The following FTO variants were observed in gnomAD, a reference collection of about 807,000 sequenced individuals.
FTO encodes the protein alpha-ketoglutarate-dependent dioxygenase FTO.
Under a neutral mutation model 63.9 loss-of-function variants are expected in FTO, and 47 were observed. The observed-to-expected ratio is 0.74, with a 90% CI of 0.58 to 0.94. FTO has a LOEUF of 0.94. FTO is among the 40% of genes least tolerant of loss of function. FTO has a pLI of 0.00. For missense variants in FTO, 562 were observed against 618.1 expected (o/e 0.91, Z 0.96); for synonymous variants, 207 against 224.4 (o/e 0.92, Z 0.69).
chr16:53,826,638 G>A (rs967047076), intron 3 of FTO, 147 bp downstream of exon 3: 9 of 745,412 alleles, frequency 1.2e-5, no homozygotes, highest in Non-Finnish European at 2.1e-5. Flanking sequence ...TGTATCATGT[G>A]TCCTTTTTAG....
chr16:53,862,028 G>T (rs117105006), intron 4 of FTO, among the ~76,000 whole-genome samples: 11,353 of 152,208 alleles, frequency 0.075, 649 homozygotes, highest in South Asian at 0.2. Context: ...GAGGTGGGCA[G>T]ATCAGGAGGT....
chr16:54,095,221 G>A (rs1265100866), intron 8 of FTO, among the ~76,000 whole-genome samples: 1 of 152,048 alleles, frequency 6.6e-6, no homozygotes, highest in Non-Finnish European at 1.5e-5. Flanking sequence ...TTTATTTTTT[G>A]TAGAGACAGA....
intron 3 of FTO, among the ~76,000 whole-genome samples, chr16:53,827,249 G>A (rs1469025941): frequency 1.3e-5 from 2 of 152,102 alleles, no homozygotes; most frequent in Non-Finnish European, 2.9e-5. Context: ...TATTGTTTCT[G>A]TGTGTTTATG....
chr16:53,934,707 C>T (rs2082350308), intron 8 of FTO, among the ~76,000 whole-genome samples: 1 of 152,176 alleles, frequency 6.6e-6, no homozygotes, highest in East Asian at 1.9e-4. Context: ...GCAGTTGTAA[C>T]ACAACAATAA....
At chr16:53,814,340 C>A (rs1008596966) in intron 2 of FTO, among the ~76,000 whole-genome samples, 1 of 152,170 alleles carries the variant, frequency 6.6e-6, no homozygotes, top group African/African-American at 2.4e-5. Flanking sequence ...ATGAGACCAT[C>A]CTCAGTAACC....
chr16:54,069,562 G>T (rs1249290117), intron 8 of FTO, among the ~76,000 whole-genome samples: 3 of 152,084 alleles, frequency 2.0e-5, no homozygotes, highest in African/African-American at 7.2e-5. Context: ...TAGAATTGCA[G>T]GTTATTTATA....
chr16:54,094,879 A>G (rs559762517), intron 8 of FTO, among the ~76,000 whole-genome samples: 1 of 152,302 alleles, frequency 6.6e-6, no homozygotes, highest in East Asian at 1.9e-4. Flanking sequence ...GAGCACCGTG[A>G]CATAGATCAT....
At chr16:53,786,969 G>A (rs1224825306) in intron 1 of FTO, among the ~76,000 whole-genome samples, 1 of 151,762 alleles carries the variant, frequency 6.6e-6, no homozygotes, top group African/African-American at 2.4e-5. Flanking sequence ...AAATTAGCCA[G>A]GTGTGGTGGC....
At chr16:53,892,626 G>A (rs539695804) in intron 7 of FTO, among the ~76,000 whole-genome samples, 117 of 152,130 alleles carry the variant, frequency 7.7e-4, no homozygotes, top group Middle Eastern at 3.4e-3. Flanking sequence ...GTTGTGGAAG[G>A]ATTTCTTTAA....
At chr16:53,931,871 A>AACACACACACACACAC (rs35135177) in intron 7 of FTO, among the ~76,000 whole-genome samples, 11 of 145,798 alleles carry the variant, frequency 7.5e-5, no homozygotes, top group African/African-American at 2.3e-4. Context: ...TTTTACATTA[A>AACACACACACACACAC]ACACACACAC....
At chr16:53,823,639 ATTGT>A (rs2078926130) in intron 2 of FTO, among the ~76,000 whole-genome samples, 1 of 152,074 alleles carries the variant, frequency 6.6e-6, no homozygotes, top group African/African-American at 2.4e-5. Context: ...AGAATAGTAA[ATTGT>A]TTATTTAGTT....
chr16:53,854,295 G>A lies in FTO; in HGVS notation c.895+9997G>A, dbSNP rs574414405. Reference sequence around the variant, plus strand: ...CTCTGATAATTATTTATTTTGTTGTGCAGAAGCTTTTTAGTTTAAGTAGGT... The same window carrying A: ...CTCTGATAATTATTTATTTTGTTGTACAGAAGCTTTTTAGTTTAAGTAGGT... On this transcript the variant is annotated intron_variant, in intron 4 of 8. Transcript: ENST00000471389. Among the ~76,000 whole-genome samples, 3 of 152,066 alleles carry A rather than the reference G, an allele frequency of 2.0e-5. No homozygotes were observed. The South Asian group carries it at 6.2e-4, about 31-fold the overall frequency.
rs772642133 is a variant in FTO, at chr16:53,888,891, T to G, written c.1179T>G (p.Thr393=). 26 of 1,613,920 alleles carry G rather than the reference T, an allele frequency of 1.6e-5. No individual in the cohort carries two copies. In the East Asian group the frequency reaches 5.6e-4, roughly 35 times the overall value. The stretch of plus-strand genomic sequence containing the variant: ...AAGGCAATCGATACAGAAAGTGCAC[T>G]GACTGGTGGTGTCAACCCATGGCTC... The part of the protein sequence containing the change: ...WFQGNRYRKC[T]DWWCQPMAQL... The change falls in exon 7 of 9, where the codon ACT becomes ACG. Residue 393 remains threonine, a synonymous_variant. Coordinates refer to ENST00000471389, the MANE Select transcript of FTO (RefSeq NM_001080432.3).
chr16:53,982,670 G>T (rs901338028), intron 8 of FTO, among the ~76,000 whole-genome samples: 2 of 152,176 alleles, frequency 1.3e-5, no homozygotes, highest in African/African-American at 4.8e-5. Flanking sequence ...TCCTAACTGG[G>T]CTCTGCAGCT....
chr16:53,964,246 C>G (rs2083148348), intron 8 of FTO, among the ~76,000 whole-genome samples: 1 of 152,156 alleles, frequency 6.6e-6, no homozygotes, highest in South Asian at 2.1e-4. Context: ...GTTTCTGTGA[C>G]AACTGTTCTC....
At chr16:53,893,593 A>G (rs997784631) in intron 7 of FTO, among the ~76,000 whole-genome samples, 1 of 152,162 alleles carries the variant, frequency 6.6e-6, no homozygotes, top group South Asian at 2.1e-4. Flanking sequence ...CAAATTCACA[A>G]TGATACAGAA....
At chr16:53,812,310 G>A (rs2078554670) in intron 2 of FTO, among the ~76,000 whole-genome samples, 1 of 148,362 alleles carries the variant, frequency 6.7e-6, no homozygotes, top group Admixed American at 6.7e-5. Context: ...GCTGTGTTGT[G>A]TGCAGGCTGG....
intron 8 of FTO, among the ~76,000 whole-genome samples, chr16:53,985,468 A>C (rs539999226): frequency 2.0e-5 from 3 of 152,338 alleles, no homozygotes; most frequent in Non-Finnish European, 4.4e-5. Context: ...ACCAGACATG[A>C]GAAAGAAAAA....
intron 8 of FTO, among the ~76,000 whole-genome samples, chr16:54,076,641 G>A (rs1263250471): frequency 6.6e-6 from 1 of 151,930 alleles, no homozygotes; most frequent in East Asian, 1.9e-4. Flanking sequence ...TAAATTATGT[G>A]GGTGTAAGCA....
Sources: allele counts gnomAD v4.1 joint callset (sites outside exome capture counted in the v4.1 genomes callset), GRCh38; gene constraint gnomAD v4.1.1; transcripts MANE v1.5; gene names NCBI Gene and HGNC (gene_info 2026-07-23, HGNC 2026-07-21).